Variants in CEP164 observed in about 807,000 individuals in gnomAD.
The protein encoded by CEP164 is centrosomal protein 164.
A neutral mutation model predicts 182.7 loss-of-function variants in CEP164; 162 were observed. That is an observed-to-expected ratio of 0.89 (90% CI 0.78 to 1.01). CEP164 has a LOEUF of 1.01. Ranked by LOEUF, CEP164 falls within the 50% of genes least tolerant of loss-of-function variation. The probability of loss-of-function intolerance (pLI) is 0.00; values close to 1 mark genes in which losing one functional copy is unlikely to be tolerated. For missense variants in CEP164, 1,735 were observed against 1,790.4 expected (o/e 0.97, Z 0.56); for synonymous variants, 661 against 690.0 (o/e 0.96, Z 0.66).
intron 13 of CEP164, 27 bp from the exon 14 acceptor site, chr11:117,382,769 C>T: frequency 6.2e-7 from 1 of 1,611,188 alleles, no homozygotes; most frequent in South Asian, 1.1e-5. Flanking sequence ...CTGGCTTTAA[C>T]ACAGTTGTTT....
intron 12 of CEP164, 91 bp from the exon 13 acceptor site, chr11:117,381,610 A>G: frequency 2.1e-6 from 3 of 1,406,352 alleles, no homozygotes; most frequent in Non-Finnish European, 1.9e-6. Flanking sequence ...GGAGGAGGCA[A>G]TGACCTAGGT....
Position 117,379,606 on chromosome 11 carries a change from C to T in CEP164, c.1318-1008C>T, listed in dbSNP as rs185734704. Among the ~76,000 whole-genome samples, 624 of 152,160 alleles carry T rather than the reference C, an allele frequency of 4.1e-3. 9 individuals carry two copies. Among genetic ancestry groups the T allele is most frequent in the Middle Eastern group, 3.4e-3 (1 of 294 alleles). Reference sequence around the variant, plus strand: ...TTGATGGCGTGCCTTCTTTGGGTCACGAGCTGGGCCTTACGTATATGAGCT... The same window carrying T: ...TTGATGGCGTGCCTTCTTTGGGTCATGAGCTGGGCCTTACGTATATGAGCT... On this transcript the variant is annotated intron_variant, in intron 11 of 32. Coordinates refer to ENST00000278935, the MANE Select transcript of CEP164 (RefSeq NM_014956.5).
chr11:117,407,808 G>C (rs779395341), intron 27 of CEP164, 117 bp from the exon 28 acceptor site: 145 of 650,040 alleles, frequency 2.2e-4, no homozygotes, highest in South Asian at 1.8e-3. Context: ...CTCTGTTCCA[G>C]ATGAGAAAGC....
At chr11:117,336,388 G>C (rs1350405349) in intron 2 of CEP164, 9 of 1,398,956 alleles carry the variant, frequency 6.4e-6, no homozygotes, top group Non-Finnish European at 8.1e-6. Flanking sequence ...GGCAGGCGGT[G>C]GGTATGGAGG....
chr11:117,340,278 T>TC (rs1287631111), intron 3 of CEP164, among the ~76,000 whole-genome samples: 3 of 152,374 alleles, frequency 2.0e-5, no homozygotes, highest in Admixed American at 6.5e-5. Flanking sequence ...CGTCTTGGCC[T>TC]CCCAGAGGAT....
At chr11:117,332,564 G>A (rs577888828) in intron 1 of CEP164, among the ~76,000 whole-genome samples, 3 of 152,098 alleles carry the variant, frequency 2.0e-5, no homozygotes, top group South Asian at 2.1e-4. Context: ...CAACAAGAGC[G>A]AAACTCCTCT....
At chr11:117,397,059 T>A in intron 26 of CEP164, 32 bp from the exon 27 acceptor site, 1 of 1,593,744 alleles carries the variant, frequency 6.3e-7, no homozygotes, top group Non-Finnish European at 8.6e-7. Context: ...CTTAGAGGCT[T>A]CTGTTTTCCT....
Position 117,395,606 on chromosome 11 carries a change from G to A in CEP164, c.2973G>A (p.Leu991=). Residue 991 remains leucine (L), a synonymous_variant, in exon 24 of 33, where the codon TTG becomes TTA. Coordinates refer to ENST00000278935, the MANE Select transcript of CEP164 (RefSeq NM_014956.5). ...EEAQKEHTHL[L]QSNQQLREIL... ...CACAGAAGGAGCACACCCACCTGTTGCAGTCAAACCAGCAGCTCCGAGAAA... is the reference window on the plus strand; with the variant it reads ...CACAGAAGGAGCACACCCACCTGTTACAGTCAAACCAGCAGCTCCGAGAAA... The A allele has an allele frequency of 6.2e-7, 1 of 1,613,966 alleles. No homozygotes were observed. Among genetic ancestry groups the A allele is most frequent in the Non-Finnish European group, 8.5e-7 (1 of 1,179,996 alleles).
chr11:117,327,031 G>A (rs2035487469), upstream of CEP164, among the ~76,000 whole-genome samples: 1 of 152,208 alleles, frequency 6.6e-6, no homozygotes, highest in South Asian at 2.1e-4. Context: ...GGTGTGTGGA[G>A]GAGCTACACA....
rs776434736 is a variant in CEP164, at chr11:117,409,820, C to T, written c.3951C>T (p.Ser1317=). 6.2e-7 allele frequency: 1 copy of T among 1,612,066 alleles called. No individual in the cohort carries two copies. Among genetic ancestry groups the T allele is most frequent in the Admixed American group, 1.7e-5 (1 of 59,822 alleles). Residue 1317 remains serine (S), a synonymous_variant, in exon 30 of 33, where the codon TCC becomes TCT. Coordinates refer to ENST00000278935, the MANE Select transcript of CEP164 (RefSeq NM_014956.5). The surrounding 1 kb of genome is among the most constrained non-coding windows in gnomAD (Gnocchi z 4.4). ...CCCCCACCCCCACCTACTATGGCTC[C>T]CTGGCCAGGTTCTCAGCCTTATCAT... ...KSTPTPTYYG[S]LARFSALSSA... is the part of the protein sequence containing the mutation.
chr11:117,402,068 G>A (rs1008946793), intron 27 of CEP164, among the ~76,000 whole-genome samples: 2 of 152,028 alleles, frequency 1.3e-5, no homozygotes, highest in African/African-American at 2.4e-5. Context: ...TGGTGTTAGG[G>A]TGTCGATTTT....
intron 1 of CEP164, among the ~76,000 whole-genome samples, chr11:117,334,206 G>A (rs2036673525): frequency 6.6e-6 from 1 of 152,164 alleles, no homozygotes; most frequent in Admixed American, 6.6e-5. Flanking sequence ...AATGCACGTG[G>A]TAGGTGCCCA....
At position 117,395,834 on chromosome 11, in the gene CEP164, G is replaced by T. The variant is rs2045361772; in HGVS notation, c.3089+112G>T. ...AGGGAGAGGTGGAGTCCCAGCTTGG[G>T]AGCTAGGCAGAAGAGCCTGTGGCTA... On this transcript the variant is annotated intron_variant, in intron 24 of 32. Coordinates refer to ENST00000278935, the MANE Select transcript of CEP164 (RefSeq NM_014956.5). The T allele has an allele frequency of 4.5e-6, 6 of 1,333,028 alleles. No individual in the cohort carries two copies. The South Asian group carries it at 8.7e-5, about 19-fold the overall frequency. 82.6% of individuals were successfully genotyped at this position (1,333,028 alleles called of 1,614,324 possible).
chr11:117,406,967 G>A (rs1352943270), intron 27 of CEP164, among the ~76,000 whole-genome samples: 4 of 152,154 alleles, frequency 2.6e-5, no homozygotes, highest in East Asian at 1.9e-4. Context: ...GGTGGTGCAC[G>A]CCTGTAATCC....
At chr11:117,328,550 C>A (rs2035680684) in intron 1 of CEP164, among the ~76,000 whole-genome samples, 1 of 152,204 alleles carries the variant, frequency 6.6e-6, no homozygotes. Flanking sequence ...TTCTACTCGG[C>A]GCACTCCATC....
chr11:117,401,226 C>G (rs942149391), intron 27 of CEP164, among the ~76,000 whole-genome samples: 13 of 152,166 alleles, frequency 8.5e-5, no homozygotes, highest in African/African-American at 3.1e-4. Context: ...AAGGCCTTTT[C>G]TGCATCTGTT....
At chr11:117,365,769 G>A (rs1353165003) in intron 8 of CEP164, among the ~76,000 whole-genome samples, 2 of 151,748 alleles carry the variant, frequency 1.3e-5, no homozygotes, top group Non-Finnish European at 2.9e-5. Context: ...TAGTAGATAC[G>A]GGGTTTCACC....
chr11:117,412,171 C>T lies in CEP164; in HGVS notation c.*3C>T, dbSNP rs2047432920. The T allele has an allele frequency of 1.2e-6, 2 of 1,613,468 alleles. No individual in the cohort carries two copies. The highest frequency in any genetic ancestry group is 1.7e-5 in the Admixed American group (1 of 59,964). On this transcript the variant is annotated 3_prime_UTR_variant, in exon 33 of 33. Transcript: ENST00000278935. ...GAGTGAAGGTGTATCGCTTCTGAGG[C>T]CCTGAGCAGGGGCTTGGGGCAGCCC...
At chr11:117,367,631 C>T (rs2041790471) in intron 8 of CEP164, among the ~76,000 whole-genome samples, 1 of 152,168 alleles carries the variant, frequency 6.6e-6, no homozygotes, top group Admixed American at 6.5e-5. Context: ...CCCATTAACT[C>T]ATCATTTAGC....
Sources: gnomAD v4.1 joint callset for allele counts (sites outside exome capture counted in the v4.1 genomes callset) on GRCh38, gnomAD v4.1.1 for gene constraint, Gnocchi (gnomAD v3.1) non-coding constraint, MANE v1.5 for transcripts, NCBI Gene and HGNC (gene_info 2026-07-23, HGNC 2026-07-21) for gene names.